The following PRIM2 variants were observed in gnomAD, a reference collection of about 807,000 sequenced individuals.
The protein encoded by PRIM2 is DNA primase subunit 2.
Under a neutral mutation model 67.3 loss-of-function variants are expected in PRIM2, and 39 were observed. The observed-to-expected ratio is 0.58, with a 90% CI of 0.45 to 0.76. PRIM2 has a LOEUF of 0.76. Among genes scored for constraint, PRIM2 ranks in the 30% least tolerant of loss-of-function variants. PRIM2 has a pLI of 0.00. For missense variants in PRIM2, 398 were observed against 598.7 expected (o/e 0.66, Z 3.50); for synonymous variants, 143 against 198.7 (o/e 0.72, Z 2.36).
the PRIM2 span, among the ~76,000 whole-genome samples, chr6:57,235,566 G>A: frequency 6.6e-6 from 1 of 152,164 alleles, no homozygotes; most frequent in Non-Finnish European, 1.5e-5. Flanking sequence ...TAGCATCTGT[G>A]ATAGGCAAGA....
At chr6:57,305,412 GTGCAGAAATGGGCAAGA>G in the PRIM2 span, among the ~76,000 whole-genome samples, 1 of 152,198 alleles carries the variant, frequency 6.6e-6, no homozygotes, top group South Asian at 2.1e-4. Flanking sequence ...AGAGGCAGGG[GTGCAGAAATGGGCAAGA>G]TAGTCTGCTT....
the PRIM2 span, among the ~76,000 whole-genome samples, chr6:57,305,110 T>C: frequency 6.6e-6 from 1 of 152,240 alleles, no homozygotes; most frequent in African/African-American, 2.4e-5. Flanking sequence ...ACTGAGAATG[T>C]GAACTTTTGG....
At chr6:57,465,343 G>A (rs1233592753) in intron 7 of PRIM2, among the ~76,000 whole-genome samples, 1 of 152,186 alleles carries the variant, frequency 6.6e-6, no homozygotes, top group African/African-American at 2.4e-5. Context: ...AGTTACCAGG[G>A]AGAGAATCCA....
chr6:57,536,514 A>G (rs1340521255), intron 9 of PRIM2, among the ~76,000 whole-genome samples: 4 of 152,218 alleles, frequency 2.6e-5, no homozygotes, highest in African/African-American at 9.6e-5. Context: ...GGGAAATGAA[A>G]TCTTATGTTC....
chr6:57,503,061 G>A (rs1457553327), intron 7 of PRIM2, among the ~76,000 whole-genome samples: 9 of 152,198 alleles, frequency 5.9e-5, no homozygotes, highest in Admixed American at 5.9e-4. Context: ...CTATGCCTCT[G>A]TTGGAAATAT....
intron 7 of PRIM2, among the ~76,000 whole-genome samples, chr6:57,443,273 G>C (rs1772260446): frequency 6.6e-6 from 1 of 152,200 alleles, no homozygotes; most frequent in Non-Finnish European, 1.5e-5. Flanking sequence ...CCCAGAAGTA[G>C]GATTGCTGGA....
intron 12 of PRIM2, among the ~76,000 whole-genome samples, chr6:57,619,967 C>T (rs1776822257): frequency 6.6e-6 from 1 of 152,118 alleles, no homozygotes; most frequent in Admixed American, 6.5e-5. Flanking sequence ...GAGGCTGAGG[C>T]AGATGGATCA....
At chr6:57,260,344 G>A in the PRIM2 span, among the ~76,000 whole-genome samples, 2 of 152,174 alleles carry the variant, frequency 1.3e-5, no homozygotes, top group African/African-American at 2.4e-5. Flanking sequence ...ATGTGGTCCT[G>A]AAGAGTTGTG....
chr6:57,317,481 T>C (rs1042478833), upstream of PRIM2: 34 of 152,612 alleles, frequency 2.2e-4, no homozygotes, highest in African/African-American at 7.2e-4. Flanking sequence ...CCAAACACTT[T>C]AAAGCTGCCA....
intron 7 of PRIM2, among the ~76,000 whole-genome samples, chr6:57,452,778 CT>C (rs200267952): frequency 0.67 from 102,154 of 151,866 alleles, 34,354 homozygotes; most frequent in South Asian, 0.74. Context: ...TGCAGAAGCT[CT>C]TTTAGTTTGA....
chr6:57,519,176 C>T (rs1203516484), intron 8 of PRIM2, among the ~76,000 whole-genome samples: 5 of 152,102 alleles, frequency 3.3e-5, no homozygotes, highest in South Asian at 2.1e-4. Flanking sequence ...GGAGGCAGGG[C>T]GAGATCACAG....
At chr6:57,432,543 TA>T (rs5876562) in intron 7 of PRIM2, among the ~76,000 whole-genome samples, 82,466 of 152,006 alleles carry the variant, frequency 0.54, 22,816 homozygotes, top group African/African-American at 0.66. Context: ...GTTTGCACTT[TA>T]AAAAAAGTCC....
intron 7 of PRIM2, among the ~76,000 whole-genome samples, chr6:57,425,646 T>C (rs1771597763): frequency 6.6e-6 from 1 of 152,164 alleles, no homozygotes; most frequent in African/African-American, 2.4e-5. Context: ...TTAATGGCCT[T>C]TTTAGAGACT....
intron 7 of PRIM2, among the ~76,000 whole-genome samples, chr6:57,407,736 T>A (rs1770941612): frequency 6.6e-6 from 1 of 152,226 alleles, no homozygotes; most frequent in Non-Finnish European, 1.5e-5. Context: ...TAAATCATTC[T>A]TTTGAGGTCA....
intron 7 of PRIM2, among the ~76,000 whole-genome samples, chr6:57,453,195 A>G (rs2127391670): frequency 6.6e-6 from 1 of 152,250 alleles, no homozygotes; most frequent in South Asian, 2.1e-4. Context: ...GTAGCCTTGT[A>G]GTATAGTTTG....
chr6:57,644,843 C>T (rs1345143248), intron 13 of PRIM2, among the ~76,000 whole-genome samples: 11 of 151,926 alleles, frequency 7.2e-5, no homozygotes, highest in Non-Finnish European at 1.5e-4. Context: ...CTGCAGAAGG[C>T]GAGAAGGCAG....
chr6:57,274,514 G>A, the PRIM2 span, among the ~76,000 whole-genome samples: 19 of 152,322 alleles, frequency 1.2e-4, no homozygotes, highest in Non-Finnish European at 2.2e-4. Context: ...CGATTTTCCA[G>A]GTGCTGTCTG....
the PRIM2 span, among the ~76,000 whole-genome samples, chr6:57,304,554 G>T: frequency 6.6e-6 from 1 of 152,192 alleles, no homozygotes; most frequent in Non-Finnish European, 1.5e-5. Context: ...CTGTACTCTG[G>T]GGAAGACTGA....
chr6:57,228,771 T>G, the PRIM2 span, among the ~76,000 whole-genome samples: 2 of 152,206 alleles, frequency 1.3e-5, no homozygotes, highest in Non-Finnish European at 2.9e-5. Flanking sequence ...TACTTAAATC[T>G]CTCAGCGCCT....
Sources: gnomAD v4.1 joint callset for allele counts (sites outside exome capture counted in the v4.1 genomes callset) on GRCh38, gnomAD v4.1.1 for gene constraint, MANE v1.5 for transcripts, NCBI Gene and HGNC (gene_info 2026-07-23, HGNC 2026-07-21) for gene names.